Variants in PTPRD observed in about 807,000 individuals in gnomAD.
The protein encoded by PTPRD is protein tyrosine phosphatase receptor type D.
PTPRD carries 34 observed loss-of-function variants against 214.5 expected under a neutral mutation model. The ratio of observed to expected loss-of-function variants is 0.16; its 90% CI spans 0.12 to 0.21. PTPRD has a LOEUF of 0.21. PTPRD is among the 10% of genes least tolerant of loss of function. The pLI is 1.00. For synonymous variants in PTPRD, 1,128 were observed against 845.7 expected, an observed-to-expected ratio of 1.33 and a Z score of -5.79; for missense variants, 2,545 against 2,398.7, an observed-to-expected ratio of 1.06 and a Z score of -1.27.
intron 3 of PTPRD, among the ~76,000 whole-genome samples, chr9:10,314,249 A>G (rs1193936306): frequency 6.6e-6 from 1 of 151,898 alleles, no homozygotes; most frequent in African/African-American, 2.4e-5. Context: ...GAAAATTATT[A>G]TGATAGGACA....
chr9:8,974,845 C>T (rs1006972813), intron 11 of PTPRD, among the ~76,000 whole-genome samples: 2 of 151,814 alleles, frequency 1.3e-5, no homozygotes, highest in African/African-American at 2.4e-5. Flanking sequence ...ACCTTTAATC[C>T]CAGCACTTTG....
intron 11 of PTPRD, among the ~76,000 whole-genome samples, chr9:8,893,469 A>G (rs2098560794): frequency 6.6e-6 from 1 of 152,244 alleles, no homozygotes; most frequent in Admixed American, 6.5e-5. Context: ...ATTTCCAGTA[A>G]TCAGAGAAAC....
At position 9,152,027 on chromosome 9, in the gene PTPRD, A is replaced by G. The variant is rs556071601; in HGVS notation, c.-143+31277T>C. 1.2e-4 allele frequency among the ~76,000 whole-genome samples: 19 copies of G among 152,330 alleles called. No individual in the cohort carries two copies. In the South Asian group the frequency reaches 3.5e-3, roughly 28 times the overall value. Reference sequence around the variant, plus strand: ...GATGAGTGAGAGTAACACAGATAGCAGAGACCTCTGTAAAAAGAAATAAAC... The same window carrying G: ...GATGAGTGAGAGTAACACAGATAGCGGAGACCTCTGTAAAAAGAAATAAAC... On this transcript the variant is annotated intron_variant, in intron 10 of 45. Transcript: ENST00000381196.
chr9:9,433,326 GAC>G (rs1464623489), intron 8 of PTPRD, among the ~76,000 whole-genome samples: 1 of 152,150 alleles, frequency 6.6e-6, no homozygotes, highest in Non-Finnish European at 1.5e-5. Flanking sequence ...AGACTGAACT[GAC>G]ACACATGAAG....
intron 2 of PTPRD, among the ~76,000 whole-genome samples, chr9:10,515,323 C>T (rs907617633): frequency 6.6e-6 from 1 of 151,878 alleles, no homozygotes; most frequent in African/African-American, 2.4e-5. Flanking sequence ...ATGCTAAATA[C>T]TGAAGTTGCT....
At chr9:10,118,224 C>G (rs1344626344) in intron 3 of PTPRD, among the ~76,000 whole-genome samples, 1 of 151,182 alleles carries the variant, frequency 6.6e-6, no homozygotes, top group East Asian at 1.9e-4. Context: ...ATCTATCTAT[C>G]TATCTATCTA....
At chr9:10,084,225 A>G (rs546482232) in intron 3 of PTPRD, among the ~76,000 whole-genome samples, 1 of 152,100 alleles carries the variant, frequency 6.6e-6, no homozygotes, top group South Asian at 2.1e-4. Context: ...TAATATTTGT[A>G]TGCATAGCTA....
chr9:8,884,285 A>C (rs1402748892), intron 11 of PTPRD, among the ~76,000 whole-genome samples: 1 of 152,220 alleles, frequency 6.6e-6, no homozygotes, highest in Non-Finnish European at 1.5e-5. Flanking sequence ...CTGAGTTGCA[A>C]GACAGAGAAG....
At chr9:9,999,689 T>C (rs1056983136) in intron 4 of PTPRD, among the ~76,000 whole-genome samples, 9 of 152,206 alleles carry the variant, frequency 5.9e-5, no homozygotes, top group African/African-American at 2.2e-4. Flanking sequence ...TTCTAATTGC[T>C]GTAATATTTT....
At chr9:8,430,293 AG>A (rs1296571257) in intron 35 of PTPRD, among the ~76,000 whole-genome samples, 1 of 151,798 alleles carries the variant, frequency 6.6e-6, no homozygotes, top group East Asian at 1.9e-4. Flanking sequence ...TTTTTCAGAC[AG>A]GGTCTCCCTC....
intron 8 of PTPRD, among the ~76,000 whole-genome samples, chr9:9,455,017 C>G (rs947678870): frequency 1.3e-5 from 2 of 151,394 alleles, no homozygotes; most frequent in Admixed American, 1.3e-4. Context: ...AAAAAACAAC[C>G]CAAGTATTGC....
chr9:8,403,416 G>C (rs557061586), intron 36 of PTPRD, among the ~76,000 whole-genome samples: 1 of 152,212 alleles, frequency 6.6e-6, no homozygotes, highest in African/African-American at 2.4e-5. Context: ...GGTGAACATG[G>C]CATGTGCCAA....
At chr9:9,377,874 C>A (rs1336354406) in intron 9 of PTPRD, among the ~76,000 whole-genome samples, 2 of 142,476 alleles carry the variant, frequency 1.4e-5, no homozygotes, top group African/African-American at 2.5e-5. Flanking sequence ...GAAGAAAGCA[C>A]CTCTTCTAGA....
intron 2 of PTPRD, among the ~76,000 whole-genome samples, chr9:10,349,504 A>T (rs2154454479): frequency 6.6e-6 from 1 of 152,286 alleles, no homozygotes; most frequent in African/African-American, 2.4e-5. Flanking sequence ...CATACACAAA[A>T]ATGCATATAC....
intron 5 of PTPRD, among the ~76,000 whole-genome samples, chr9:9,792,312 G>A (rs892310547): frequency 3.9e-5 from 6 of 152,040 alleles, no homozygotes; most frequent in African/African-American, 1.4e-4. Context: ...TATTTCATTT[G>A]AAAACTCTGC....
intron 39 of PTPRD, among the ~76,000 whole-genome samples, chr9:8,348,307 TG>T (rs1204155875): frequency 6.6e-6 from 1 of 152,172 alleles, no homozygotes; most frequent in Non-Finnish European, 1.5e-5. Flanking sequence ...ATTGGTTGGC[TG>T]GAATATGTCT....
chr9:8,382,542 G>C (rs13286142), intron 37 of PTPRD, among the ~76,000 whole-genome samples: 1 of 152,182 alleles, frequency 6.6e-6, no homozygotes, highest in African/African-American at 2.4e-5. Context: ...GGTGGGGAAA[G>C]AAGGTAGATA....
intron 2 of PTPRD, among the ~76,000 whole-genome samples, chr9:10,539,451 C>T (rs2058612281): frequency 6.6e-6 from 1 of 152,210 alleles, no homozygotes; most frequent in Non-Finnish European, 1.5e-5. Flanking sequence ...TCCCAAAGTG[C>T]TGGGATTACA....
At chr9:9,203,037 G>C (rs976193872) in intron 9 of PTPRD, among the ~76,000 whole-genome samples, 1 of 152,086 alleles carries the variant, frequency 6.6e-6, no homozygotes, top group Non-Finnish European at 1.5e-5. Flanking sequence ...ATTCCCAGCT[G>C]CCTATTTGCC....
Sources: allele counts gnomAD v4.1 joint callset (sites outside exome capture counted in the v4.1 genomes callset), GRCh38; gene constraint gnomAD v4.1.1; transcripts MANE v1.5; gene names NCBI Gene and HGNC (gene_info 2026-07-23, HGNC 2026-07-21).